NELL1: variants seen among roughly 807,000 people sequenced by gnomAD.
NELL1 encodes the protein protein kinase C-binding protein NELL1.
A neutral mutation model predicts 107.4 loss-of-function variants in NELL1; 76 were observed. The observed-to-expected ratio is 0.71, with a 90% CI of 0.59 to 0.86. NELL1 has a LOEUF of 0.86. Among genes scored for constraint, NELL1 ranks in the 40% least tolerant of loss-of-function variants. The pLI, the probability that NELL1 is intolerant of heterozygous loss-of-function variation, is 0.00. For synonymous variants in NELL1, 353 were observed against 341.2 expected (o/e 1.03, Z -0.38); for missense variants, 1,024 against 1,005.5 (o/e 1.02, Z -0.25).
At chr11:20,997,498 T>C (rs1852117558) in intron 12 of NELL1, among the ~76,000 whole-genome samples, 2 of 152,188 alleles carry the variant, frequency 1.3e-5, no homozygotes, top group South Asian at 4.1e-4. Flanking sequence ...ATCTGTGGAA[T>C]ATGAATATAA....
chr11:21,545,158 C>A (rs1856406779), intron 16 of NELL1, among the ~76,000 whole-genome samples: 1 of 151,928 alleles, frequency 6.6e-6, no homozygotes. Flanking sequence ...AAACATATTT[C>A]TTTTTTACAC....
intron 1 of NELL1, among the ~76,000 whole-genome samples, chr11:20,675,425 A>G (rs1381201757): frequency 2.0e-5 from 3 of 152,156 alleles, no homozygotes; most frequent in East Asian, 1.9e-4. Flanking sequence ...CTCAGAGTTC[A>G]TTGCACCCAA....
chr11:21,440,234 G>A (rs114683693), intron 15 of NELL1, among the ~76,000 whole-genome samples: 2,283 of 152,034 alleles, frequency 0.015, 56 homozygotes, highest in African/African-American at 0.052. Context: ...AGGTGATTGG[G>A]TCAATGCTCT....
chr11:21,299,336 G>A (rs1849442800), intron 14 of NELL1, among the ~76,000 whole-genome samples: 1 of 151,860 alleles, frequency 6.6e-6, no homozygotes, highest in Non-Finnish European at 1.5e-5. Context: ...TCCTTCCATT[G>A]CATTCTGCTC....
At chr11:21,009,099 A>G (rs368115237) in intron 12 of NELL1, among the ~76,000 whole-genome samples, 4 of 152,156 alleles carry the variant, frequency 2.6e-5, no homozygotes, top group Non-Finnish European at 1.5e-5. Flanking sequence ...TTGTGCTGCA[A>G]TTTACTGTTG....
chr11:20,745,152 T>C (rs901775648), intron 2 of NELL1, among the ~76,000 whole-genome samples: 1 of 152,198 alleles, frequency 6.6e-6, no homozygotes, highest in African/African-American at 2.4e-5. Context: ...AACGACAGGA[T>C]GTTATCTTGT....
chr11:20,787,997 A>G (rs374915434), intron 3 of NELL1, among the ~76,000 whole-genome samples: 2 of 151,742 alleles, frequency 1.3e-5, no homozygotes, highest in East Asian at 2.0e-4. Flanking sequence ...AACTTAGAAT[A>G]ATGCTTTCGA....
In NELL1 at chr11:21,113,664, G is replaced by T. The variant is rs368227389; in HGVS notation, c.1376G>T (p.Arg459Leu). The T allele has an allele frequency of 1.2e-6, 2 of 1,611,910 alleles. No homozygotes were observed. Among genetic ancestry groups the T allele is most frequent in the Non-Finnish European group, 1.7e-6 (2 of 1,178,636 alleles). Residue 459 changes from arginine (R) to leucine (L), a missense_variant, in exon 13 of 20, where the codon CGC (arginine) becomes CTC (leucine). Transcript: ENST00000357134. ...TGTGTCAACCTTCCTGGGTTATATCGCTGTGACTGTGTCCCAGGATACATT... is the reference window on the plus strand; with the variant it reads ...TGTGTCAACCTTCCTGGGTTATATCTCTGTGACTGTGTCCCAGGATACATT... The part of the protein sequence containing the change: ...TVCVNLPGLY[R>L]CDCVPGYIRV...
rs1212030639 is a variant in NELL1 at position 21,450,945 on chromosome 11, C to T, written c.1645+79997C>T. Among the ~76,000 whole-genome samples the T allele has an allele frequency of 2.6e-5, 4 of 151,824 alleles. No individual in the cohort carries two copies. The East Asian group carries it at 7.7e-4, about 29-fold the overall frequency. ...GTGGCTCACGCCTGTAATCCCAGCACTTTGGGAGGCCGAGGCGGGCGGATC... is the reference window on the plus strand; with the variant it reads ...GTGGCTCACGCCTGTAATCCCAGCATTTTGGGAGGCCGAGGCGGGCGGATC... On this transcript the variant is annotated intron_variant, in intron 15 of 19. Coordinates refer to ENST00000357134, the MANE Select transcript of NELL1 (RefSeq NM_006157.5).
intron 12 of NELL1, among the ~76,000 whole-genome samples, chr11:21,017,068 T>G (rs1852582099): frequency 6.6e-6 from 1 of 152,142 alleles, no homozygotes; most frequent in African/African-American, 2.4e-5. Context: ...CACCATTCCC[T>G]TCTAAAGGTC....
intron 13 of NELL1, among the ~76,000 whole-genome samples, chr11:21,187,976 C>A (rs775282657): frequency 1.3e-5 from 2 of 151,770 alleles, no homozygotes; most frequent in African/African-American, 4.9e-5. Flanking sequence ...ATTGATGATA[C>A]CTGTTTCAAA....
intron 14 of NELL1, 60 bp downstream of exon 14, chr11:21,229,514 T>C: frequency 1.2e-6 from 2 of 1,606,364 alleles, no homozygotes; most frequent in Non-Finnish European, 1.7e-6. Context: ...CTCTTGGCAC[T>C]TGTGCGTCGG....
At chr11:20,782,040 CAA>C (rs34426520) in intron 2 of NELL1, among the ~76,000 whole-genome samples, 39,252 of 135,218 alleles carry the variant, frequency 0.29, 5,984 homozygotes, top group African/African-American at 0.44. Context: ...ACCCTCATCT[CAA>C]AAAAAAAAAA....
rs560476819 is a variant in NELL1, at chr11:21,361,292, C to T, written c.1550-9561C>T. Among the ~76,000 whole-genome samples the T allele has an allele frequency of 3.3e-3, 312 of 95,204 alleles. 6 individuals carry two copies. The South Asian group carries it at 0.07, about 22-fold the overall frequency. 62.5% of individuals were successfully genotyped at this position (95,204 alleles called of 152,430 possible). ...TTTTTTTTTTTTTTTTTTTTAGTTT[C>T]AGGAAACTGAAGATGAGACCCCAAT... On this transcript the variant is annotated intron_variant, in intron 14 of 19. Transcript: ENST00000357134.
chr11:20,882,170 C>T (rs1364078084), intron 4 of NELL1, among the ~76,000 whole-genome samples: 1 of 152,190 alleles, frequency 6.6e-6, no homozygotes, highest in East Asian at 1.9e-4. Flanking sequence ...TGTATAGCTC[C>T]CCTTCTATAG....
chr11:21,130,195 A>G (rs1168400034), intron 13 of NELL1, among the ~76,000 whole-genome samples: 29 of 152,268 alleles, frequency 1.9e-4, no homozygotes, highest in African/African-American at 6.0e-4. Context: ...TTAAATCAGT[A>G]AACTCCAATC....
At chr11:21,336,674 T>TACACACACACACAC (rs1555005791) in intron 14 of NELL1, among the ~76,000 whole-genome samples, 12 of 130,524 alleles carry the variant, frequency 9.2e-5, no homozygotes, top group South Asian at 2.5e-4. Flanking sequence ...TATATATATA[T>TACACACACACACAC]ACACACACAC....
At chr11:21,039,518 C>A (rs1446844655) in intron 12 of NELL1, among the ~76,000 whole-genome samples, 1 of 152,130 alleles carries the variant, frequency 6.6e-6, no homozygotes, top group African/African-American at 2.4e-5. Context: ...TATGTTTACT[C>A]TGTCACAGAA....
chr11:21,156,938 C>CAAAA (rs374536207), intron 13 of NELL1, among the ~76,000 whole-genome samples: 1 of 139,612 alleles, frequency 7.2e-6, no homozygotes. Flanking sequence ...ACTAAAAATA[C>CAAAA]AAAAAAAAAA....
Sources: allele counts gnomAD v4.1 joint callset (sites outside exome capture counted in the v4.1 genomes callset), GRCh38; gene constraint gnomAD v4.1.1; transcripts MANE v1.5; gene names NCBI Gene and HGNC (gene_info 2026-07-23, HGNC 2026-07-21).